The following CDH12 variants were observed in gnomAD, a reference collection of about 807,000 sequenced individuals.
The protein encoded by CDH12 is cadherin 12.
CDH12 carries 41 observed loss-of-function variants against 74.1 expected under a neutral mutation model. The observed-to-expected ratio is 0.55, with a 90% CI of 0.43 to 0.72. The LOEUF (loss-of-function observed/expected upper bound fraction) is 0.72. Among genes scored for constraint, CDH12 ranks in the 30% least tolerant of loss-of-function variants. The probability of loss-of-function intolerance (pLI) is 0.00; values close to 1 mark genes in which losing one functional copy is unlikely to be tolerated. For missense variants in CDH12, 945 were observed against 977.2 expected (o/e 0.97, Z 0.44); for synonymous variants, 399 against 355.0 (o/e 1.12, Z -1.39).
intron 1 of CDH12, among the ~76,000 whole-genome samples, chr5:22,796,232 GGT>G (rs1748201213): frequency 6.6e-6 from 1 of 152,044 alleles, no homozygotes; most frequent in Admixed American, 6.6e-5. Flanking sequence ...TGGACCATAT[GGT>G]AGTTCTATTT....
chr5:21,826,320 A>G (rs1382031470), intron 8 of CDH12, among the ~76,000 whole-genome samples: 1 of 152,136 alleles, frequency 6.6e-6, no homozygotes, highest in African/African-American at 2.4e-5. Flanking sequence ...AGATTCTCCT[A>G]CTAGTCACTC....
At chr5:22,143,371 T>A (rs1461237368) in intron 4 of CDH12, 1 of 145,850 alleles carries the variant, frequency 6.9e-6, no homozygotes, top group East Asian at 2.0e-4. Flanking sequence ...AATATTCCTT[T>A]TTTTTTTTTT....
intron 5 of CDH12, among the ~76,000 whole-genome samples, chr5:22,050,244 C>G (rs576465764): frequency 6.6e-6 from 1 of 152,056 alleles, no homozygotes; most frequent in South Asian, 2.1e-4. Flanking sequence ...TTTGTCTGAA[C>G]TCTCCTTCCC....
chr5:22,305,323 C>T (rs1366118596), intron 3 of CDH12, among the ~76,000 whole-genome samples: 1 of 152,162 alleles, frequency 6.6e-6, no homozygotes, highest in Non-Finnish European at 1.5e-5. Flanking sequence ...CTTTTGATAA[C>T]AAAGCCTCAA....
intron 4 of CDH12, among the ~76,000 whole-genome samples, chr5:22,134,238 C>T (rs536596050): frequency 1.3e-5 from 2 of 150,982 alleles, no homozygotes; most frequent in Non-Finnish European, 3.0e-5. Context: ...TGTCTACATG[C>T]ACTGATTTGG....
At chr5:22,719,454 T>C (rs187228918) in intron 1 of CDH12, among the ~76,000 whole-genome samples, 74 of 152,318 alleles carry the variant, frequency 4.9e-4, no homozygotes, top group Middle Eastern at 3.4e-3. Flanking sequence ...CCTTTGCATT[T>C]GCCTAGTGAA....
chr5:22,043,925 A>G (rs909103763), intron 5 of CDH12, among the ~76,000 whole-genome samples: 2 of 152,176 alleles, frequency 1.3e-5, no homozygotes, highest in Non-Finnish European at 2.9e-5. Flanking sequence ...ACTCTGATGA[A>G]AGACATTCAA....
chr5:22,708,170 G>C lies in CDH12; in HGVS notation c.-523+144888C>G, dbSNP rs143098537. Among the ~76,000 whole-genome samples, 12 of 152,224 alleles carry C rather than the reference G, an allele frequency of 7.9e-5. No homozygotes were observed. In the East Asian group the frequency reaches 2.3e-3, roughly 29 times the overall value. ...TTTCCTTCGCTTTGTCATTTAAGTA[G>C]ATTATTCTCTCATTATTTCATGTAC... On this transcript the variant is annotated intron_variant, in intron 1 of 14. Transcript: ENST00000382254.
chr5:22,645,811 C>G (rs1739406056), intron 1 of CDH12, among the ~76,000 whole-genome samples: 1 of 151,886 alleles, frequency 6.6e-6, no homozygotes, highest in Admixed American at 6.6e-5. Flanking sequence ...GAACCTCTAC[C>G]AACAAAAAGA....
intron 3 of CDH12, among the ~76,000 whole-genome samples, chr5:22,292,658 A>C (rs1737446033): frequency 6.6e-6 from 1 of 151,784 alleles, no homozygotes; most frequent in African/African-American, 2.4e-5. Context: ...ACAAATGACC[A>C]ATAGGTAAAT....
Position 21,752,081 on chromosome 5 carries a change from G to A in CDH12, c.2041C>T (p.Pro681Ser), listed in dbSNP as rs773558993. Reference protein sequence around the residue: ...QAFDIGALRNPKVIEENKIRR... With the variant: ...QAFDIGALRNSKVIEENKIRR... Reference sequence around the variant, plus strand: ...ATTTTGTTCTCCTCAATCACTTTTGGGTTTCTCAGAGCCCCGATGTCGAAA... The same window carrying A: ...ATTTTGTTCTCCTCAATCACTTTTGAGTTTCTCAGAGCCCCGATGTCGAAA... Residue 681 changes from proline to serine, a missense_variant, in exon 15 of 15, where the codon CCA (proline) becomes TCA (serine). Pro to Ser is a moderately conservative substitution (Grantham distance 74). Transcript: ENST00000382254. The A allele has an allele frequency of 6.2e-7, 1 of 1,613,942 alleles. No homozygotes were observed. The highest frequency in any genetic ancestry group is 8.5e-7 in the Non-Finnish European group (1 of 1,179,972).
chr5:22,112,985 T>A (rs1269971181), intron 4 of CDH12, among the ~76,000 whole-genome samples: 1 of 152,120 alleles, frequency 6.6e-6, no homozygotes, highest in Non-Finnish European at 1.5e-5. Context: ...TCGTAGTTAT[T>A]TTAACATTAA....
intron 1 of CDH12, among the ~76,000 whole-genome samples, chr5:22,834,816 A>G (rs532949212): frequency 6.6e-6 from 1 of 152,180 alleles, no homozygotes; most frequent in South Asian, 2.1e-4. Flanking sequence ...TACACTTCTG[A>G]AAAAGGAAAG....
intron 1 of CDH12, among the ~76,000 whole-genome samples, chr5:22,573,076 C>G (rs1193287026): frequency 1.3e-5 from 2 of 152,088 alleles, no homozygotes; most frequent in Non-Finnish European, 1.5e-5. Flanking sequence ...AATAAATGTC[C>G]CATTTTGATG....
intron 5 of CDH12, among the ~76,000 whole-genome samples, chr5:21,986,664 TGTATCATTTCA>T: frequency 6.6e-6 from 1 of 152,178 alleles, no homozygotes; most frequent in South Asian, 2.1e-4. Context: ...GTAAATTTGA[TGTATCATTTCA>T]AACAATGTAG....
intron 4 of CDH12, among the ~76,000 whole-genome samples, chr5:22,204,285 C>A (rs1171695068): frequency 6.6e-6 from 1 of 152,028 alleles, no homozygotes; most frequent in African/African-American, 2.4e-5. Flanking sequence ...CTCAGCCTCC[C>A]GAGTAGCTGG....
intron 7 of CDH12, among the ~76,000 whole-genome samples, chr5:21,854,325 A>G (rs982577640): frequency 6.6e-6 from 1 of 151,726 alleles, no homozygotes; most frequent in Non-Finnish European, 1.5e-5. Context: ...GCCCAAAACT[A>G]AGTATAACTG....
chr5:21,914,516 A>AAG (rs1336824086), intron 6 of CDH12, among the ~76,000 whole-genome samples: 1 of 152,116 alleles, frequency 6.6e-6, no homozygotes, highest in Non-Finnish European at 1.5e-5. Context: ...TACCCATACA[A>AAG]AGAGAGAGAG....
chr5:22,137,447 C>T (rs1746528614), intron 4 of CDH12, among the ~76,000 whole-genome samples: 1 of 152,012 alleles, frequency 6.6e-6, no homozygotes, highest in South Asian at 2.1e-4. Context: ...ACTAAGTATA[C>T]TACTGTGTCT....
Sources: allele counts gnomAD v4.1 joint callset (sites outside exome capture counted in the v4.1 genomes callset), GRCh38; gene constraint gnomAD v4.1.1; transcripts MANE v1.5; gene names NCBI Gene and HGNC (gene_info 2026-07-23, HGNC 2026-07-21).